Variants in UNKL observed in about 807,000 individuals in gnomAD.
UNKL encodes unk like zinc finger, also known as putative E3 ubiquitin-protein ligase UNKL.
Under a neutral mutation model 78.0 loss-of-function variants are expected in UNKL, and 60 were observed. That is an observed-to-expected ratio of 0.77 (90% CI 0.63 to 0.95). UNKL has a LOEUF of 0.95. Among genes scored for constraint, UNKL ranks in the 40% least tolerant of loss-of-function variants. The pLI, the probability that UNKL is intolerant of heterozygous loss-of-function variation, is 0.00. For synonymous variants in UNKL, 608 were observed against 474.8 expected (o/e 1.28, Z -3.65); for missense variants, 1,159 against 1,045.7 (o/e 1.11, Z -1.49).
intron 6 of UNKL, among the ~76,000 whole-genome samples, chr16:1,394,824 C>A (rs1039769012): frequency 6.6e-6 from 1 of 152,090 alleles, no homozygotes; most frequent in African/African-American, 2.4e-5. Flanking sequence ...CTGGCCCCAC[C>A]CCCCCATGGC....
intron 10 of UNKL, chr16:1,383,627 G>A (rs2036694431): frequency 2.4e-6 from 1 of 412,242 alleles, no homozygotes; most frequent in Admixed American, 2.6e-5. Context: ...GCATCGTCTA[G>A]GAGTTGCTGG....
rs760307348 is a variant in UNKL, at chr16:1,394,135, A to G, written c.933T>C (p.Val311=). The change falls in exon 7 of 15, where the codon GTT becomes GTC. Residue 311 remains valine (V), a synonymous_variant. Transcript: ENST00000389221. ...GCCACAGGGACGGTTACTCACTCTC[A>G]ACGTGTGCAAAGGCACAGAAGGGGC... ...PRGPFCAFAH[V]EKSLGMVNEW... 2.6e-6 allele frequency: 4 copies of G among 1,550,426 alleles called. No individual in the cohort carries two copies. The South Asian group carries it at 4.8e-5, about 18-fold the overall frequency.
At chr16:1,407,253 C>T (rs2037808486) in intron 2 of UNKL, 4 of 152,260 alleles carry the variant, frequency 2.6e-5, no homozygotes, top group Admixed American at 2.6e-4. Flanking sequence ...TTTCTCCTCC[C>T]ACCAGTTACT....
chr16:1,403,415 A>G lies in UNKL; in HGVS notation c.288-71T>C. On this transcript the variant is annotated intron_variant, in intron 2 of 14. Coordinates refer to ENST00000389221, the MANE Select transcript of UNKL (RefSeq NM_001372107.1). The surrounding 1 kb of genome is among the most constrained non-coding windows in gnomAD (Gnocchi z 4.8). ...AGGCAGCCCTAAGCTCCCTGGGTCCACGCCCTGTCAGCACGTGGCAAGCAG... is the reference window on the plus strand; with the variant it reads ...AGGCAGCCCTAAGCTCCCTGGGTCCGCGCCCTGTCAGCACGTGGCAAGCAG... The G allele has an allele frequency of 2.0e-6, 3 of 1,521,460 alleles. No individual in the cohort carries two copies. In the South Asian group the frequency reaches 3.8e-5, roughly 19 times the overall value. 94.2% of individuals were successfully genotyped at this position (1,521,460 alleles called of 1,614,324 possible). A position where few individuals can be genotyped will look rare whatever the true frequency, so the allele number is the denominator to read the frequency against.
At chr16:1,404,269 C>A (rs2037654336) in intron 2 of UNKL, among the ~76,000 whole-genome samples, 1 of 152,242 alleles carries the variant, frequency 6.6e-6, no homozygotes, top group Admixed American at 6.5e-5. Context: ...GAAACCTTCA[C>A]CTCCAGCTCC....
chr16:1,408,054 A>G (rs1327464427), intron 2 of UNKL, among the ~76,000 whole-genome samples: 4 of 152,028 alleles, frequency 2.6e-5, no homozygotes, highest in Non-Finnish European at 5.9e-5. Flanking sequence ...GCAGTGAGCC[A>G]AGATCGAGCC....
In UNKL at chr16:1,374,227, C is replaced by T. The variant is rs540701304; in HGVS notation, c.1265-2616G>A. Among the ~76,000 whole-genome samples, 6 of 152,294 alleles carry T rather than the reference C, an allele frequency of 3.9e-5. 1 individual carries two copies. In the South Asian group the frequency reaches 6.2e-4, roughly 16 times the overall value. ...CACCACACAGGGACTGTTGCGCAGG[C>T]GCCCTCCCCGCTGCCCACCTTTGGC... is the stretch of plus-strand genomic sequence containing the variant. On this transcript the variant is annotated intron_variant, in intron 10 of 14. Transcript: ENST00000389221.
chr16:1,412,534 C>A, intron 2 of UNKL, among the ~76,000 whole-genome samples: 1 of 152,362 alleles, frequency 6.6e-6, no homozygotes, highest in South Asian at 2.1e-4. Context: ...CTTAAACCTG[C>A]ACAAGGCAGA....
At chr16:1,380,329 C>T (rs2142062596) in intron 10 of UNKL, among the ~76,000 whole-genome samples, 1 of 152,246 alleles carries the variant, frequency 6.6e-6, no homozygotes, top group Non-Finnish European at 1.5e-5. Context: ...TGTCCAAAAC[C>T]CTCTACAACA....
At chr16:1,405,751 C>G (rs986278086) in intron 2 of UNKL, among the ~76,000 whole-genome samples, 2 of 151,892 alleles carry the variant, frequency 1.3e-5, no homozygotes, top group African/African-American at 2.4e-5. Flanking sequence ...CAAACTCATC[C>G]GAGACAATCA....
intron 10 of UNKL, among the ~76,000 whole-genome samples, chr16:1,384,165 G>A (rs990755130): frequency 5.9e-5 from 9 of 152,202 alleles, no homozygotes; most frequent in African/African-American, 1.7e-4. Context: ...CTCACCAAGC[G>A]TCTCTGCAAG....
rs199795538 is a variant in UNKL, at chr16:1,367,232, G to A, written c.1906C>T (p.Leu636=). 44 of 1,598,946 alleles carry A rather than the reference G, an allele frequency of 2.8e-5. No homozygotes were observed. The African/African-American group carries it at 5.5e-4, about 20-fold the overall frequency. The change falls in exon 14 of 15, where the codon CTG becomes TTG. Residue 636 remains leucine (L), a synonymous_variant. Coordinates refer to ENST00000389221, the MANE Select transcript of UNKL (RefSeq NM_001372107.1). ...KEEVEAQVKQ[L]QEELEGLGVA... is the part of the protein sequence containing the mutation. ...CCCAGGCCCTCCAGCTCCTCCTGCA[G>A]CTGCTTCACCTGTGCCTCCACCTCC...
At chr16:1,396,012 G>T (rs2037244798) in intron 6 of UNKL, among the ~76,000 whole-genome samples, 1 of 152,130 alleles carries the variant, frequency 6.6e-6, no homozygotes, top group African/African-American at 2.4e-5. Flanking sequence ...GCGCACTCTT[G>T]GCTCACTGCA....
chr16:1,385,123 C>G, intron 10 of UNKL, 85 bp downstream of exon 10: 4 of 1,056,884 alleles, frequency 3.8e-6, no homozygotes, highest in Non-Finnish European at 4.8e-6. Flanking sequence ...TGTAACATGT[C>G]CTGAAATAGA....
chr16:1,374,228 G>A (rs1038362729), intron 10 of UNKL, among the ~76,000 whole-genome samples: 7 of 152,134 alleles, frequency 4.6e-5, no homozygotes, highest in South Asian at 2.1e-4. Flanking sequence ...TTGCGCAGGC[G>A]CCCTCCCCGC....
intron 10 of UNKL, 69 bp from the exon 11 acceptor site, chr16:1,371,680 A>G: frequency 6.8e-7 from 1 of 1,477,616 alleles, no homozygotes; most frequent in Non-Finnish European, 9.1e-7. Context: ...CTAGCTGAGG[A>G]GGACGACCGT....
intron 12 of UNKL, chr16:1,369,832 G>T: frequency 2.1e-6 from 2 of 963,182 alleles, no homozygotes; most frequent in East Asian, 2.7e-5. Flanking sequence ...AAAACTAGCT[G>T]GGCGTGGTGG....
rs995151335 is a variant in UNKL at position 1,387,930 on chromosome 16, G to A, written c.1087-2545C>T. 6.6e-6 allele frequency among the ~76,000 whole-genome samples: 1 copy of A among 151,990 alleles called. No individual in the cohort carries two copies. The highest frequency in any genetic ancestry group is 6.6e-5 in the Admixed American group (1 of 15,248). On this transcript the variant is annotated intron_variant, in intron 9 of 14. Coordinates refer to ENST00000389221, the MANE Select transcript of UNKL (RefSeq NM_001372107.1). This position sits in a 1 kb window ranked among gnomAD's most constrained non-coding sequence, Gnocchi z 4.1. ...GTCAGGCTGAGGTTCCCCATGTCCTGACCCACCAGTAGCCTAGAGGCCACC... is the reference window on the plus strand; with the variant it reads ...GTCAGGCTGAGGTTCCCCATGTCCTAACCCACCAGTAGCCTAGAGGCCACC...
At chr16:1,404,721 G>A (rs906107115) in intron 2 of UNKL, among the ~76,000 whole-genome samples, 4 of 152,224 alleles carry the variant, frequency 2.6e-5, no homozygotes, top group Non-Finnish European at 5.9e-5. Context: ...CCAAGTGGGC[G>A]CCAATGGAGT....
Sources: gnomAD v4.1 joint callset for allele counts (sites outside exome capture counted in the v4.1 genomes callset) on GRCh38, gnomAD v4.1.1 for gene constraint, Gnocchi (gnomAD v3.1) non-coding constraint, MANE v1.5 for transcripts, NCBI Gene and HGNC (gene_info 2026-07-23, HGNC 2026-07-21) for gene names.